The following GNB1 variants were observed in gnomAD, a reference collection of about 807,000 sequenced individuals.
GNB1 encodes the protein guanine nucleotide-binding protein G(I)/G(S)/G(T) subunit beta-1.
In GNB1, 2 loss-of-function variants were observed where a neutral mutation model predicts 42.9. The ratio of observed to expected loss-of-function variants is 0.05; its 90% CI spans 0.02 to 0.15. The LOEUF (loss-of-function observed/expected upper bound fraction) is 0.15. GNB1 is among the 10% of genes least tolerant of loss of function. The pLI is 1.00. For synonymous variants in GNB1, 183 were observed against 174.7 expected (o/e 1.05, Z -0.38); for missense variants, 193 against 462.2 (o/e 0.42, Z 5.34).
chr1:1,792,920 G>T (rs1409107718), intron 8 of GNB1, among the ~76,000 whole-genome samples: 2 of 152,000 alleles, frequency 1.3e-5, no homozygotes, highest in Non-Finnish European at 2.9e-5. Context: ...ACAAAAATTA[G>T]TCAGGCGTGG....
intron 1 of GNB1, among the ~76,000 whole-genome samples, chr1:1,879,238 G>C (rs1649708426): frequency 6.6e-6 from 1 of 152,182 alleles, no homozygotes; most frequent in African/African-American, 2.4e-5. Context: ...AGATATTTCG[G>C]CTCAGACCCC....
At chr1:1,853,039 T>A (rs1476967411) in intron 1 of GNB1, among the ~76,000 whole-genome samples, 1 of 152,122 alleles carries the variant, frequency 6.6e-6, no homozygotes, top group Non-Finnish European at 1.5e-5. Flanking sequence ...TTTCCAAACC[T>A]GCTGGCAGTC....
intron 1 of GNB1, among the ~76,000 whole-genome samples, chr1:1,842,360 G>A (rs1171013641): frequency 6.6e-6 from 1 of 151,858 alleles, no homozygotes; most frequent in Non-Finnish European, 1.5e-5. Flanking sequence ...AACCCAGGAG[G>A]TAGGGCTTGC....
At chr1:1,835,322 G>C (rs1251294515) in intron 2 of GNB1, among the ~76,000 whole-genome samples, 1 of 152,326 alleles carries the variant, frequency 6.6e-6, no homozygotes, top group African/African-American at 2.4e-5. Context: ...GCCTCCAGTA[G>C]GTTTCCTAAC....
intron 2 of GNB1, among the ~76,000 whole-genome samples, chr1:1,831,961 C>G (rs774766405): frequency 6.0e-5 from 9 of 149,712 alleles, no homozygotes; most frequent in Non-Finnish European, 1.0e-4. Flanking sequence ...ACTTGGGAGG[C>G]TGAAGTGGGA....
At chr1:1,799,070 G>A (rs1214229981) in intron 7 of GNB1, among the ~76,000 whole-genome samples, 4 of 152,090 alleles carry the variant, frequency 2.6e-5, no homozygotes, top group Admixed American at 6.6e-5. Flanking sequence ...ACAGGTGCCC[G>A]CCACCTCGCC....
At chr1:1,860,902 G>A (rs1648588243) in intron 1 of GNB1, among the ~76,000 whole-genome samples, 1 of 151,912 alleles carries the variant, frequency 6.6e-6, no homozygotes, top group Non-Finnish European at 1.5e-5. Flanking sequence ...GAGGTCAGGA[G>A]TTCGAGACCC....
At chr1:1,837,843 G>C (rs976958793) in intron 2 of GNB1, among the ~76,000 whole-genome samples, 2 of 151,980 alleles carry the variant, frequency 1.3e-5, no homozygotes, top group Non-Finnish European at 2.9e-5. Context: ...GATTACAGGT[G>C]AGCCACCTTG....
Position 1,825,599 on chromosome 1 carries a change from T to C in GNB1, c.-46-100A>G. ...GAAAGTTTAAGGTGGGCGTGGTGGCTCAAGCCTGTAATCCCAGCACTTTGG... is the reference window on the plus strand; with the variant it reads ...GAAAGTTTAAGGTGGGCGTGGTGGCCCAAGCCTGTAATCCCAGCACTTTGG... On this transcript the variant is annotated intron_variant, in intron 2 of 11. Transcript: ENST00000378609. The C allele has an allele frequency of 4.2e-6, 3 of 709,112 alleles. No homozygotes were observed. In the South Asian group the frequency reaches 4.6e-5, roughly 11 times the overall value. The allele number at this position is 709,112 out of a possible 1,614,324, so 43.9% of individuals were successfully genotyped here.
intron 1 of GNB1, among the ~76,000 whole-genome samples, chr1:1,886,267 G>T (rs186227361): frequency 0.011 from 1,714 of 152,224 alleles, 13 homozygotes; most frequent in Non-Finnish European, 0.018. Context: ...GCAGTGAGCC[G>T]AGATTGCGCC....
intron 5 of GNB1, among the ~76,000 whole-genome samples, chr1:1,814,624 A>C (rs1646825416): frequency 6.6e-6 from 1 of 151,824 alleles, no homozygotes; most frequent in Non-Finnish European, 1.5e-5. Flanking sequence ...ACAAAGGGAG[A>C]CCCTGTCTCT....
intron 2 of GNB1, among the ~76,000 whole-genome samples, chr1:1,836,701 C>T (rs895629844): frequency 6.6e-6 from 1 of 152,112 alleles, no homozygotes; most frequent in African/African-American, 2.4e-5. Context: ...TAGGCATAAG[C>T]CACTACACCT....
Position 1,874,605 on chromosome 1 carries a change from TAAA to T in GNB1, c.-96+16212_-96+16214del, listed in dbSNP as rs34864042. 2.3e-4 allele frequency among the ~76,000 whole-genome samples: 11 copies of T among 46,996 alleles called. No homozygotes were observed. The Admixed American group carries it at 2.8e-3, about 12-fold the overall frequency. The allele number at this position is 46,996 out of a possible 152,430, so 30.8% of individuals were successfully genotyped here. ...CTGGGAAGCAGAGCAAGACTCCATC[TAAA>T]AAAAAAAAAAAAAAAAAAAAAAAAG... On this transcript the variant is annotated intron_variant, in intron 1 of 11. Transcript: ENST00000378609.
intron 1 of GNB1, among the ~76,000 whole-genome samples, chr1:1,889,730 C>T (rs1650366704): frequency 6.6e-6 from 1 of 151,444 alleles, no homozygotes; most frequent in African/African-American, 2.4e-5. Context: ...CTTCTGCATG[C>T]TAACCATGTA....
chr1:1,815,882 CT>C lies in GNB1; in HGVS notation c.97-21del, dbSNP rs1188609970. 3.6e-6 allele frequency: 5 copies of C among 1,406,406 alleles called. No homozygotes were observed. In the African/African-American group the frequency reaches 4.2e-5, roughly 12 times the overall value. 87.1% of individuals were successfully genotyped at this position (1,406,406 alleles called of 1,614,324 possible). On this transcript the variant is annotated intron_variant, in intron 4 of 11. Transcript: ENST00000378609. ...TGTGATCTTGAAAATAAAAACATTT[CT>C]GTAAATCAACATCTGTGATTAAACG...
At chr1:1,890,788 C>A (rs1650463143) in intron 1 of GNB1, 32 bp downstream of exon 1, 1 of 148,380 alleles carries the variant, frequency 6.7e-6, no homozygotes, top group Non-Finnish European at 1.5e-5. Flanking sequence ...CGAACAGGAC[C>A]CGGGTCCGGG....
At chr1:1,836,965 G>A (rs979198549) in intron 2 of GNB1, among the ~76,000 whole-genome samples, 1 of 151,510 alleles carries the variant, frequency 6.6e-6, no homozygotes, top group African/African-American at 2.4e-5. Context: ...GGGATTACAG[G>A]TGTTAGCCAT....
chr1:1,877,501 T>G (rs1649615943), intron 1 of GNB1, among the ~76,000 whole-genome samples: 1 of 151,794 alleles, frequency 6.6e-6, no homozygotes, highest in Non-Finnish European at 1.5e-5. Flanking sequence ...TTATAAAATT[T>G]TATTTATTTT....
At chr1:1,859,293 C>T (rs1240068512) in intron 1 of GNB1, among the ~76,000 whole-genome samples, 1 of 151,422 alleles carries the variant, frequency 6.6e-6, no homozygotes. Context: ...AAGTGCTGGG[C>T]TTACAGGCGT....
Sources: gnomAD v4.1 joint callset for allele counts (sites outside exome capture counted in the v4.1 genomes callset) on GRCh38, gnomAD v4.1.1 for gene constraint, MANE v1.5 for transcripts, NCBI Gene and HGNC (gene_info 2026-07-23, HGNC 2026-07-21) for gene names.